B4GALT1: variants seen among roughly 807,000 people sequenced by gnomAD.
B4GALT1 encodes the protein N-acetyllactosamine synthase.
B4GALT1 carries 16 observed loss-of-function variants against 34.9 expected under a neutral mutation model. That is an observed-to-expected ratio of 0.46 (90% CI 0.31 to 0.70). The LOEUF is 0.70. Ranked by LOEUF, B4GALT1 falls within the 30% of genes least tolerant of loss-of-function variation. B4GALT1 has a pLI of 0.05. For missense variants in B4GALT1, 445 were observed against 530.5 expected, an observed-to-expected ratio of 0.84 and a Z score of 1.58; for synonymous variants, 221 against 218.1, an observed-to-expected ratio of 1.01 and a Z score of -0.12.
At chr9:33,130,297 G>C (rs140447550) in intron 2 of B4GALT1, among the ~76,000 whole-genome samples, 15 of 152,066 alleles carry the variant, frequency 9.9e-5, no homozygotes, top group African/African-American at 3.6e-4. Flanking sequence ...TCTCGTTTCC[G>C]GGTTTGAGTA....
the B4GALT1 span, among the ~76,000 whole-genome samples, chr9:33,180,664 C>T: frequency 6.6e-6 from 1 of 152,194 alleles, no homozygotes; most frequent in Admixed American, 6.5e-5. Context: ...ACCATTCCTG[C>T]CTCTTAGCGT....
exon 3 of B4GALT1, chr9:33,104,714 G>A (rs1001233628): frequency 2.4e-5 from 11 of 454,404 alleles, no homozygotes; most frequent in South Asian, 6.2e-5. Flanking sequence ...ACCACCATGC[G>A]CTGCCACCTC....
At chr9:33,161,937 C>A (rs1840681005) in intron 1 of B4GALT1, among the ~76,000 whole-genome samples, 1 of 152,164 alleles carries the variant, frequency 6.6e-6, no homozygotes, top group Non-Finnish European at 1.5e-5. Flanking sequence ...CATAGCCCAG[C>A]TGAGTGCAAA....
intron 1 of B4GALT1, among the ~76,000 whole-genome samples, chr9:33,143,998 G>A (rs1226414065): frequency 6.6e-6 from 1 of 151,444 alleles, no homozygotes; most frequent in Non-Finnish European, 1.5e-5. Flanking sequence ...CTGTGGTCTC[G>A]GCCTCCTGAG....
At chr9:33,146,625 G>A (rs898092005) in intron 1 of B4GALT1, among the ~76,000 whole-genome samples, 1 of 152,102 alleles carries the variant, frequency 6.6e-6, no homozygotes, top group Non-Finnish European at 1.5e-5. Flanking sequence ...CACCTCCTTA[G>A]GCCATTTGTT....
chr9:33,113,471 T>G lies in B4GALT1; in HGVS notation c.1180A>C (p.Ile394Leu). Residue 394 changes from isoleucine to leucine, a missense_variant, in exon 6 of 6, where the codon ATC becomes CTC. By Grantham distance (5) the Ile-to-Leu change is conservative. Around this residue, in one of 3 missense-constraint regions of B4GALT1, gnomAD observed 89 missense variants for 107.6 expected, o/e 0.83. Transcript: ENST00000379731. Reference sequence around the variant, plus strand: ...CCAAAACGCTAGCTCGGTGTCCCGATGTCCACTGTGATTTGGGTATACAAT... The same window carrying G: ...CCAAAACGCTAGCTCGGTGTCCCGAGGTCCACTGTGATTTGGGTATACAAT... ...YPLYTQITVDIGTPS is the reference protein window; with the variant it reads ...YPLYTQITVDLGTPS 2 of 1,614,232 alleles carry G rather than the reference T, an allele frequency of 1.2e-6. No individual in the cohort carries two copies. The highest frequency in any genetic ancestry group is 1.7e-6 in the Non-Finnish European group (2 of 1,180,038).
chr9:33,174,990 AATATATAT>A, the B4GALT1 span, among the ~76,000 whole-genome samples: 12 of 4,830 alleles, frequency 2.5e-3, no homozygotes, highest in African/African-American at 4.8e-3. Context: ...AAAAAAAAAA[AATATATAT>A]ATATATATAT....
chr9:33,178,035 G>A, the B4GALT1 span, among the ~76,000 whole-genome samples: 1 of 143,954 alleles, frequency 6.9e-6, no homozygotes, highest in African/African-American at 2.6e-5. Flanking sequence ...TGTTACCCAG[G>A]CTGGAGTGTA....
At chr9:33,129,450 C>T (rs1443480628) in intron 2 of B4GALT1, among the ~76,000 whole-genome samples, 4 of 152,278 alleles carry the variant, frequency 2.6e-5, no homozygotes, top group South Asian at 2.1e-4. Context: ...CCACTGGGAA[C>T]GGAGGCTTCA....
At chr9:33,144,296 C>T (rs1199949118) in intron 1 of B4GALT1, among the ~76,000 whole-genome samples, 3 of 152,114 alleles carry the variant, frequency 2.0e-5, no homozygotes, top group South Asian at 4.2e-4. Flanking sequence ...TGCAGTGGTG[C>T]GATCTCAGCT....
chr9:33,111,232 C>T lies in B4GALT1; in HGVS notation c.*2222G>A, dbSNP rs541787590. 36 of 90,366 alleles carry T rather than the reference C, an allele frequency of 4.0e-4. No individual in the cohort carries two copies. Among genetic ancestry groups the T allele is most frequent in the African/African-American group, 1.6e-3 (36 of 22,744 alleles). 5.6% of individuals were successfully genotyped at this position (90,366 alleles called of 1,614,324 possible). A position where few individuals can be genotyped will look rare whatever the true frequency, so the allele number is the denominator to read the frequency against. Reference sequence around the variant, plus strand: ...TTCTAAGAATGAACCACATACTTGACATGAATGAGAAGGTAACCAAAAAAA... The same window carrying T: ...TTCTAAGAATGAACCACATACTTGATATGAATGAGAAGGTAACCAAAAAAA... On this transcript the variant is annotated 3_prime_UTR_variant, in exon 6 of 6. Transcript: ENST00000379731.
chr9:33,158,230 G>A (rs1304120547), intron 1 of B4GALT1, among the ~76,000 whole-genome samples: 1 of 152,198 alleles, frequency 6.6e-6, no homozygotes, highest in Non-Finnish European at 1.5e-5. Context: ...GACCAAAGGA[G>A]TTAGGACTTG....
At chr9:33,177,697 C>T in the B4GALT1 span, among the ~76,000 whole-genome samples, 1 of 152,186 alleles carries the variant, frequency 6.6e-6, no homozygotes. Context: ...TCTCTTAAAA[C>T]AACAATTTAT....
intron 3 of B4GALT1, among the ~76,000 whole-genome samples, 174 bp from the exon 4 acceptor site, chr9:33,116,287 A>C (rs1163412566): frequency 6.6e-6 from 1 of 152,080 alleles, no homozygotes; most frequent in Non-Finnish European, 1.5e-5. Flanking sequence ...GCTGGAGTGC[A>C]GGGGCGCGAT....
At chr9:33,173,419 A>C in the B4GALT1 span, among the ~76,000 whole-genome samples, 5 of 151,760 alleles carry the variant, frequency 3.3e-5, no homozygotes, top group African/African-American at 1.2e-4. Flanking sequence ...AAAAAAGCAA[A>C]AAAAAAAAAA....
chr9:33,160,302 C>G (rs1840655737), intron 1 of B4GALT1, among the ~76,000 whole-genome samples: 1 of 152,146 alleles, frequency 6.6e-6, no homozygotes, highest in African/African-American at 2.4e-5. Flanking sequence ...TGTTCAGCAA[C>G]AGTTGAATGA....
Position 33,167,208 on chromosome 9 carries a change from A to C in B4GALT1, c.-39T>G, listed in dbSNP as rs1840777168. On this transcript the variant is annotated 5_prime_UTR_variant, in exon 1 of 6. Transcript: ENST00000379731. ...CTTTAAGAAGGGTGTGGGCTACAGG[A>C]GGGGAGGCGACCCGCCCGCGGGCCG... 1 of 1,517,796 alleles carries C rather than the reference A, an allele frequency of 6.6e-7. No homozygotes were observed. The highest frequency in any genetic ancestry group is 1.3e-5 in the South Asian group (1 of 78,904). The allele number at this position is 1,517,796 out of a possible 1,614,324, so 94.0% of individuals were successfully genotyped here. A position where few individuals can be genotyped will look rare whatever the true frequency, so the allele number is the denominator to read the frequency against.
downstream of B4GALT1, among the ~76,000 whole-genome samples, chr9:33,106,302 C>G (rs1248422073): frequency 6.6e-6 from 1 of 152,166 alleles, no homozygotes; most frequent in Non-Finnish European, 1.5e-5. Context: ...TGTCAAAGGA[C>G]AGATGGCCCA....
At chr9:33,163,423 T>C (rs918103871) in intron 1 of B4GALT1, among the ~76,000 whole-genome samples, 2 of 152,154 alleles carry the variant, frequency 1.3e-5, no homozygotes, top group East Asian at 1.9e-4. Flanking sequence ...CCTCAAAGCA[T>C]AGGTGGGCAA....
Sources: gnomAD v4.1 joint callset for allele counts (sites outside exome capture counted in the v4.1 genomes callset) on GRCh38, gnomAD v4.1.1 for gene constraint, gnomAD v4.1.1 regional missense constraint, MANE v1.5 for transcripts, NCBI Gene and HGNC (gene_info 2026-07-23, HGNC 2026-07-21) for gene names.